Variants in SLC24A4 observed in about 807,000 individuals in gnomAD.
The protein encoded by SLC24A4 is solute carrier family 24 member 4, also known as sodium/potassium/calcium exchanger 4.
SLC24A4 carries 53 observed loss-of-function variants against 79.0 expected under a neutral mutation model. The ratio of observed to expected loss-of-function variants is 0.67; its 90% CI spans 0.54 to 0.84. The LOEUF (loss-of-function observed/expected upper bound fraction) is 0.84. SLC24A4 is among the 40% of genes least tolerant of loss of function. The pLI, the probability that SLC24A4 is intolerant of heterozygous loss-of-function variation, is 0.00. For missense variants in SLC24A4, 731 were observed against 822.0 expected (o/e 0.89, Z 1.35); for synonymous variants, 323 against 323.8 (o/e 1.00, Z 0.03).
chr14:92,464,460 A>C (rs1174068658), intron 12 of SLC24A4, among the ~76,000 whole-genome samples: 2 of 152,122 alleles, frequency 1.3e-5, no homozygotes, highest in Admixed American at 6.5e-5. Context: ...CCAGCAACGA[A>C]AGCCCACCCA....
intron 2 of SLC24A4, among the ~76,000 whole-genome samples, chr14:92,341,057 G>A (rs1886112578): frequency 6.6e-6 from 1 of 152,180 alleles, no homozygotes; most frequent in East Asian, 1.9e-4. Context: ...TGAGTATGCA[G>A]GGAGGCCGGC....
Position 92,348,377 on chromosome 14 carries a change from A to G in SLC24A4, c.241+22399A>G, listed in dbSNP as rs139561531. Among the ~76,000 whole-genome samples the G allele has an allele frequency of 1.9e-3, 290 of 152,364 alleles. 1 individual carries two copies. Among genetic ancestry groups the G allele is most frequent in the Middle Eastern group, 0.014 (4 of 294 alleles). ...ACAAACTCTTTGTGTAAAGAGCCAG[A>G]TAGTAAACATTTTAGGCTTTGCGGA... On this transcript the variant is annotated intron_variant, in intron 2 of 16. Coordinates refer to ENST00000532405, the MANE Select transcript of SLC24A4 (RefSeq NM_153646.4).
At chr14:92,403,278 G>A (rs1390197850) in intron 2 of SLC24A4, among the ~76,000 whole-genome samples, 4 of 152,152 alleles carry the variant, frequency 2.6e-5, no homozygotes, top group East Asian at 1.9e-4. Flanking sequence ...ATGCATCCCC[G>A]CACACAGAAT....
chr14:92,468,308 G>A (rs1894231908), intron 12 of SLC24A4, among the ~76,000 whole-genome samples: 1 of 152,192 alleles, frequency 6.6e-6, no homozygotes, highest in Non-Finnish European at 1.5e-5. Context: ...AGGGTTAGAA[G>A]ACTTAACGTT....
At chr14:92,338,787 C>G (rs563217937) in intron 2 of SLC24A4, among the ~76,000 whole-genome samples, 13 of 152,198 alleles carry the variant, frequency 8.5e-5, no homozygotes, top group Non-Finnish European at 1.8e-4. Flanking sequence ...GGAAAGCCAT[C>G]CTTGGGTTTA....
At chr14:92,440,086 A>G (rs1892405753) in intron 4 of SLC24A4, among the ~76,000 whole-genome samples, 1 of 152,110 alleles carries the variant, frequency 6.6e-6, no homozygotes, top group Non-Finnish European at 1.5e-5. Context: ...TCATGGTGAC[A>G]TTTGCAGCTG....
chr14:92,386,982 G>T (rs1889191958), intron 2 of SLC24A4, among the ~76,000 whole-genome samples: 1 of 152,054 alleles, frequency 6.6e-6, no homozygotes, highest in African/African-American at 2.4e-5. Context: ...CCCCAGCAGG[G>T]TGCCCTGCTC....
intron 11 of SLC24A4, 112 bp from the exon 12 acceptor site, chr14:92,456,292 T>G (rs1158391005): frequency 5.9e-6 from 6 of 1,016,550 alleles, no homozygotes; most frequent in East Asian, 2.5e-5. Context: ...TCCCCAGGGT[T>G]GTTGTTCTAG....
chr14:92,365,533 C>T (rs942562452), intron 2 of SLC24A4, among the ~76,000 whole-genome samples: 5 of 152,332 alleles, frequency 3.3e-5, no homozygotes, highest in East Asian at 1.9e-4. Context: ...GGAGGAGCCC[C>T]GGGTGCTGGT....
intron 13 of SLC24A4, chr14:92,484,892 G>A (rs1895269920): frequency 2.0e-6 from 2 of 985,278 alleles, no homozygotes; most frequent in Non-Finnish European, 2.4e-6. Flanking sequence ...ATAATACACA[G>A]TTTGGCCACT....
intron 9 of SLC24A4, 140 bp downstream of exon 9, chr14:92,447,564 C>A: frequency 1.3e-6 from 1 of 797,934 alleles, no homozygotes; most frequent in Non-Finnish European, 2.0e-6. Context: ...AGACACCCTG[C>A]TGGGGGACAG....
At chr14:92,409,843 A>G (rs1890611150) in intron 2 of SLC24A4, among the ~76,000 whole-genome samples, 1 of 152,234 alleles carries the variant, frequency 6.6e-6, no homozygotes, top group Non-Finnish European at 1.5e-5. Flanking sequence ...ACACCATGGA[A>G]TACTATGCAG....
Position 92,323,952 on chromosome 14 carries a change from G to T in SLC24A4, c.122G>T (p.Gly41Val). The T allele has an allele frequency of 6.2e-7, 1 of 1,610,724 alleles. No individual in the cohort carries two copies. ...ALVCCASGLF[G>V]SLGHKTASAS... The stretch of plus-strand genomic sequence containing the variant: ...GTGTGCTGTGCGTCCGGCCTCTTCG[G>T]CAGCTTGGGTGGGTGCTGGTACGGG... Residue 41 changes from glycine (G) to valine (V), a missense_variant, in exon 1 of 17, where the codon GGC becomes GTC. Gly to Val is a moderately radical substitution (Grantham distance 109). Transcript: ENST00000532405. This position sits in a 1 kb window ranked among gnomAD's most constrained non-coding sequence, Gnocchi z 4.9.
intron 2 of SLC24A4, among the ~76,000 whole-genome samples, chr14:92,397,647 G>A (rs1275529248): frequency 6.6e-6 from 1 of 152,194 alleles, no homozygotes; most frequent in Non-Finnish European, 1.5e-5. Flanking sequence ...GTGGGCTGGT[G>A]ATGTGGCCAG....
intron 6 of SLC24A4, 24 bp downstream of exon 6, chr14:92,442,840 G>A (rs755519150): frequency 1.4e-5 from 22 of 1,580,460 alleles, no homozygotes; most frequent in African/African-American, 5.4e-5. Context: ...CCCTGGGCCC[G>A]GCAGATGCAT....
chr14:92,408,388 C>T (rs1487867997), intron 2 of SLC24A4: 35 of 985,400 alleles, frequency 3.6e-5, no homozygotes, highest in Non-Finnish European at 4.1e-5. Context: ...CAATAAGTGC[C>T]TGTGTGTTGG....
intron 12 of SLC24A4, among the ~76,000 whole-genome samples, chr14:92,473,950 C>T (rs771373497): frequency 1.3e-5 from 2 of 152,132 alleles, no homozygotes; most frequent in East Asian, 1.9e-4. Context: ...AGAGGTGTCC[C>T]GGGATTCTTA....
intron 2 of SLC24A4, among the ~76,000 whole-genome samples, chr14:92,344,553 G>T (rs1217472142): frequency 2.6e-5 from 4 of 152,154 alleles, no homozygotes; most frequent in Non-Finnish European, 5.9e-5. Context: ...GAGTTTCTGA[G>T]CCAAGGATCG....
rs113711389 is a variant in SLC24A4 at position 92,398,735 on chromosome 14, G to A, written c.242-35177G>A. 1.4e-3 allele frequency among the ~76,000 whole-genome samples: 210 copies of A among 152,280 alleles called. 1 individual carries two copies. The highest frequency in any genetic ancestry group is 4.8e-3 in the African/African-American group (200 of 41,554). The stretch of plus-strand genomic sequence containing the variant: ...GGACACACTGGGCTGCACAGGCCAG[G>A]AAATTACCAGCATGTCCTCTCAAAC... On this transcript the variant is annotated intron_variant, in intron 2 of 16. Coordinates refer to ENST00000532405, the MANE Select transcript of SLC24A4 (RefSeq NM_153646.4). The surrounding 1 kb of genome is among the most constrained non-coding windows in gnomAD (Gnocchi z 4.1).
Sources: allele counts gnomAD v4.1 joint callset (sites outside exome capture counted in the v4.1 genomes callset), GRCh38; gene constraint gnomAD v4.1.1; non-coding constraint Gnocchi (gnomAD v3.1); transcripts MANE v1.5; gene names NCBI Gene and HGNC (gene_info 2026-07-23, HGNC 2026-07-21).